The following FGFR1 variants were observed in gnomAD, a reference collection of about 807,000 sequenced individuals.
FGFR1 encodes the protein FGFR1/PLAG1 fusion.
Under a neutral mutation model 93.7 loss-of-function variants are expected in FGFR1, and 18 were observed. That is an observed-to-expected ratio of 0.19 (90% CI 0.13 to 0.28). FGFR1 has a LOEUF of 0.28. FGFR1 is among the 10% of genes least tolerant of loss of function. The probability of loss-of-function intolerance (pLI) is 1.00; values close to 1 mark genes in which losing one functional copy is unlikely to be tolerated. For synonymous variants in FGFR1, 448 were observed against 429.3 expected, an observed-to-expected ratio of 1.04 and a Z score of -0.54; for missense variants, 731 against 1,080.4, an observed-to-expected ratio of 0.68 and a Z score of 4.53.
In FGFR1 at chr8:38,411,831, G is replaced by C. The variant is rs1586058529; in HGVS notation, c.*1797C>G. 8.7e-6 allele frequency: 2 copies of C among 228,936 alleles called. No individual in the cohort carries two copies. The highest frequency in any genetic ancestry group is 1.2e-4 in the East Asian group (2 of 16,030). The allele number at this position is 228,936 out of a possible 1,614,324, so 14.2% of individuals were successfully genotyped here. Reference sequence around the variant, plus strand: ...TGAGGGACAGGATGGAGTTTGGACAGGAAGAACTGTAAGAAGCCAAGATCT... The same window carrying C: ...TGAGGGACAGGATGGAGTTTGGACACGAAGAACTGTAAGAAGCCAAGATCT... On this transcript the variant is annotated 3_prime_UTR_variant, in exon 18 of 18. Transcript: ENST00000447712.
Position 38,417,913 on chromosome 8 carries a change from G to T in FGFR1, c.1509C>A (p.Asp503Glu). 2.5e-6 allele frequency: 4 copies of T among 1,614,212 alleles called. No individual in the cohort carries two copies. The highest frequency in any genetic ancestry group is 3.4e-6 in the Non-Finnish European group (4 of 1,180,048). The change falls in exon 11 of 18, where the codon GAC becomes GAA. Residue 503 changes from aspartate (D) to glutamate (E), a missense_variant. Asp to Glu is a conservative substitution (Grantham distance 45). Around this residue, in one of 10 missense-constraint regions of FGFR1, gnomAD observed 62 missense variants for 99.5 expected, o/e 0.62. Coordinates refer to ENST00000447712, the MANE Select transcript of FGFR1 (RefSeq NM_023110.3). ...CCACTTTGGTCACACGGTTGGGTTT[G>T]TCCTTGTCCAGCCCGATAGCCTCTG... ...VLAEAIGLDK[D>E]KPNRVTKVAV...
At chr8:38,434,318 T>C (rs16887377) in intron 2 of FGFR1, 31,428 of 185,086 alleles carry the variant, frequency 0.17, 3,518 homozygotes, top group East Asian at 0.31. Flanking sequence ...GCTCAACCCA[T>C]ATTGCTGCTG....
rs1254629418 is a variant in FGFR1, at chr8:38,460,986, A to G, written c.-88-3452T>C. 26 of 1,412,532 alleles carry G rather than the reference A, an allele frequency of 1.8e-5. No homozygotes were observed. The Admixed American group carries it at 2.6e-4, about 14-fold the overall frequency. The allele number at this position is 1,412,532 out of a possible 1,614,324, so 87.5% of individuals were successfully genotyped here. ...TGGTTCCCCCCGCCCCGTCTCTCCA[A>G]TATCAGCTAGGCTCCTGGGATTCAT... On this transcript the variant is annotated intron_variant, in intron 1 of 17. Transcript: ENST00000447712.
chr8:38,442,759 C>T (rs1827959348), intron 2 of FGFR1, among the ~76,000 whole-genome samples: 1 of 152,162 alleles, frequency 6.6e-6, no homozygotes, highest in Admixed American at 6.5e-5. Flanking sequence ...GAAAAGTTGC[C>T]GCTCCCTAAA....
At chr8:38,428,627 G>A (rs1221939609) in intron 3 of FGFR1, 192 bp from the exon 4 acceptor site, 4 of 609,462 alleles carry the variant, frequency 6.6e-6, no homozygotes, top group South Asian at 1.8e-5. Flanking sequence ...TTCCTTCCCC[G>A]AAGCACTGCC....
At chr8:38,415,418 C>T (rs554592466) in intron 13 of FGFR1, among the ~76,000 whole-genome samples, 103 of 152,050 alleles carry the variant, frequency 6.8e-4, no homozygotes, top group African/African-American at 2.4e-3. Flanking sequence ...CTCAGCCTCC[C>T]GAGTAGCTGG....
At chr8:38,441,698 T>G (rs1236371946) in intron 2 of FGFR1, among the ~76,000 whole-genome samples, 2 of 152,200 alleles carry the variant, frequency 1.3e-5, no homozygotes, top group African/African-American at 4.8e-5. Context: ...TCACAGTTCC[T>G]AGAAGTTTGT....
At chr8:38,419,161 C>G (rs567310397) in intron 9 of FGFR1, among the ~76,000 whole-genome samples, 9 of 152,344 alleles carry the variant, frequency 5.9e-5, no homozygotes, top group African/African-American at 2.2e-4. Flanking sequence ...ATGTCTTTCT[C>G]AGCAGTGTGA....
At chr8:38,440,471 T>A in intron 2 of FGFR1, 1 of 995,372 alleles carries the variant, frequency 1.0e-6, no homozygotes, top group Non-Finnish European at 1.5e-6. Context: ...GGGGCACAGG[T>A]ATGTGTGGAA....
At position 38,426,971 on chromosome 8, in the gene FGFR1, G is replaced by GGAATGGT. The variant is rs1820994588; in HGVS notation, c.622-733_622-727dup. Among the ~76,000 whole-genome samples the GGAATGGT allele has an allele frequency of 1.3e-5, 2 of 151,998 alleles. No individual in the cohort carries two copies. The highest frequency in any genetic ancestry group is 1.3e-4 in the Admixed American group (2 of 15,246). Reference sequence around the variant, plus strand: ...CTACTAAAAATACAAAAATTAGCTGGGAATGGTGGCTGCACATCCCAGGTA... The same window carrying GGAATGGT: ...CTACTAAAAATACAAAAATTAGCTGGGAATGGTGAATGGTGGCTGCACATCCCAGGTA... On this transcript the variant is annotated intron_variant, in intron 5 of 17. Transcript: ENST00000447712. This position sits in a 1 kb window ranked among gnomAD's most constrained non-coding sequence, Gnocchi z 4.1.
At position 38,426,516 on chromosome 8, in the gene FGFR1, C is replaced by T. The variant is rs1054041495; in HGVS notation, c.622-271G>A. On this transcript the variant is annotated intron_variant, in intron 5 of 17. Transcript: ENST00000447712. This position sits in a 1 kb window ranked among gnomAD's most constrained non-coding sequence, Gnocchi z 4.1. Reference sequence around the variant, plus strand: ...TCCGGACAGATGTGCCTTCTGCAAACACTCCCAAATACACCAAGAATGTTC... The same window carrying T: ...TCCGGACAGATGTGCCTTCTGCAAATACTCCCAAATACACCAAGAATGTTC... Among the ~76,000 whole-genome samples the T allele has an allele frequency of 7.9e-5, 12 of 152,230 alleles. No homozygotes were observed. The highest frequency in any genetic ancestry group is 2.9e-4 in the African/African-American group (12 of 41,458).
chr8:38,444,823 G>A (rs1422270910), intron 2 of FGFR1, among the ~76,000 whole-genome samples: 3 of 152,122 alleles, frequency 2.0e-5, no homozygotes, highest in African/African-American at 4.8e-5. Context: ...CTTACTCTCA[G>A]CAAAGTCAGT....
At chr8:38,442,372 TG>T (rs1827810871) in intron 2 of FGFR1, among the ~76,000 whole-genome samples, 1 of 151,458 alleles carries the variant, frequency 6.6e-6, no homozygotes, top group Non-Finnish European at 1.5e-5. Flanking sequence ...GGTGTGTGTG[TG>T]TGTGTGTGTG....
chr8:38,457,566 G>A (rs1298668285), intron 1 of FGFR1, 32 bp from the exon 2 acceptor site: 2 of 1,547,424 alleles, frequency 1.3e-6, no homozygotes, highest in Non-Finnish European at 1.7e-6. Flanking sequence ...CAAAAGTTAG[G>A]AGGGTCTAGG....
chr8:38,453,142 CACAAAGCTCATGAGAG>C (rs1303361963), intron 2 of FGFR1, among the ~76,000 whole-genome samples: 1 of 152,214 alleles, frequency 6.6e-6, no homozygotes, highest in Non-Finnish European at 1.5e-5. Context: ...TCTGTTCTGT[CACAAAGCTCATGAGAG>C]ACAGGCTATG....
Position 38,418,253 on chromosome 8 carries a change from G to C in FGFR1, c.1405C>G (p.Pro469Ala), listed in dbSNP as rs2150671064. ...CTGTCCCGAGGCAGCTCCCAGCGAG[G>C]GTCTTCGGGAAGCTCATACTCAGAG... is the stretch of plus-strand genomic sequence containing the variant. ...GVSEYELPED[P>A]RWELPRDRLV... Residue 469 changes from proline to alanine, a missense_variant, in exon 10 of 18, where the codon CCT becomes GCT. Physicochemically the swap from Pro to Ala is conservative, Grantham distance 27. This residue lies in a region of FGFR1 where 146 missense variants were observed against 173.0 expected (regional missense o/e 0.84). Coordinates refer to ENST00000447712, the MANE Select transcript of FGFR1 (RefSeq NM_023110.3). 1.2e-6 allele frequency: 2 copies of C among 1,614,194 alleles called. No homozygotes were observed. Among genetic ancestry groups the C allele is most frequent in the Non-Finnish European group, 1.7e-6 (2 of 1,180,032 alleles).
At chr8:38,444,051 CAAAAAAAAAA>C (rs746296068) in intron 2 of FGFR1, among the ~76,000 whole-genome samples, 41 of 74,350 alleles carry the variant, frequency 5.5e-4, no homozygotes, top group African/African-American at 1.6e-3. Flanking sequence ...GAAACTGTCT[CAAAAAAAAAA>C]AAAAAAAAAA....
At chr8:38,422,707 C>T in intron 7 of FGFR1, 2 of 352,836 alleles carry the variant, frequency 5.7e-6, no homozygotes, top group Non-Finnish European at 1.0e-5. Flanking sequence ...TGGCCTATGG[C>T]CCCTTCTCTT....
intron 2 of FGFR1, chr8:38,430,282 C>T (rs1268695444): frequency 9.5e-6 from 3 of 314,174 alleles, no homozygotes; most frequent in Non-Finnish European, 5.9e-6. Flanking sequence ...CTCCCCAGGA[C>T]TTCTTTGTGT....
Sources: allele counts gnomAD v4.1 joint callset (sites outside exome capture counted in the v4.1 genomes callset), GRCh38; gene constraint gnomAD v4.1.1; regional missense constraint gnomAD v4.1.1; non-coding constraint Gnocchi (gnomAD v3.1); transcripts MANE v1.5; gene names NCBI Gene and HGNC (gene_info 2026-07-23, HGNC 2026-07-21).